GFRA1: variants seen among roughly 807,000 people sequenced by gnomAD.
The protein encoded by GFRA1 is GDNF family receptor alpha 1.
GFRA1 carries 16 observed loss-of-function variants against 51.6 expected under a neutral mutation model. That is an observed-to-expected ratio of 0.31 (90% CI 0.21 to 0.47). The LOEUF is 0.47. Among genes scored for constraint, GFRA1 ranks in the 20% least tolerant of loss-of-function variants. The pLI is 1.00. For missense variants in GFRA1, 530 were observed against 594.3 expected, an observed-to-expected ratio of 0.89 and a Z score of 1.13; for synonymous variants, 270 against 241.3, an observed-to-expected ratio of 1.12 and a Z score of -1.10.
chr10:116,089,702 GAAGGGAGCCCCAGC>G, intron 9 of GFRA1, 25 bp downstream of exon 9: 1 of 1,570,896 alleles, frequency 6.4e-7, no homozygotes. Context: ...CCCCCACCAG[GAAGGGAGCCCCAGC>G]AAGGAATCTG....
At chr10:116,110,141 AGACTT>A in intron 6 of GFRA1, among the ~76,000 whole-genome samples, 1 of 152,346 alleles carries the variant, frequency 6.6e-6, no homozygotes, top group East Asian at 1.9e-4. Context: ...GGAATCAGGC[AGACTT>A]TGGAATCCTC....
intron 4 of GFRA1, among the ~76,000 whole-genome samples, chr10:116,242,751 G>A (rs1967508700): frequency 6.6e-6 from 1 of 152,120 alleles, no homozygotes; most frequent in African/African-American, 2.4e-5. Context: ...CAAAGTGCCA[G>A]GATTACAGGC....
chr10:116,196,647 AATAT>A (rs1186936900), intron 5 of GFRA1, among the ~76,000 whole-genome samples: 64 of 6,132 alleles, frequency 0.01, 6 homozygotes, highest in Admixed American at 0.038. Flanking sequence ...TACTATATAT[AATAT>A]ATATATAGTA....
intron 5 of GFRA1, among the ~76,000 whole-genome samples, chr10:116,205,970 A>AC (rs1555167784): frequency 2.7e-5 from 4 of 149,444 alleles, no homozygotes; most frequent in Admixed American, 1.3e-4. Context: ...ACACACACAC[A>AC]AAGTGAATCT....
chr10:116,147,726 A>G (rs1958868993), intron 5 of GFRA1, among the ~76,000 whole-genome samples: 1 of 152,128 alleles, frequency 6.6e-6, no homozygotes, highest in Non-Finnish European at 1.5e-5. Context: ...CTGAATGAGA[A>G]CGGAGGTGAA....
intron 6 of GFRA1, among the ~76,000 whole-genome samples, chr10:116,106,613 A>C (rs1477114926): frequency 6.6e-6 from 1 of 151,884 alleles, no homozygotes; most frequent in Non-Finnish European, 1.5e-5. Flanking sequence ...GATCTTTTAC[A>C]AGTGTGTGGC....
In GFRA1 at chr10:116,257,546, G is replaced by C. The variant is rs182308425; in HGVS notation, c.418+11957C>G. On this transcript the variant is annotated intron_variant, in intron 4 of 10. Transcript: ENST00000355422. Reference sequence around the variant, plus strand: ...TGAGGCTAATAGCACAGTGCTCCTGGGCTCATTTTTTGTTTTCCCAGAAGG... The same window carrying C: ...TGAGGCTAATAGCACAGTGCTCCTGCGCTCATTTTTTGTTTTCCCAGAAGG... Among the ~76,000 whole-genome samples the C allele has an allele frequency of 2.0e-3, 305 of 152,182 alleles. 1 individual carries two copies. The highest frequency in any genetic ancestry group is 3.6e-3 in the Non-Finnish European group (247 of 68,010).
chr10:116,190,181 C>CCA (rs1383107681), intron 5 of GFRA1, among the ~76,000 whole-genome samples: 1 of 152,186 alleles, frequency 6.6e-6, no homozygotes, highest in African/African-American at 2.4e-5. Flanking sequence ...CTTCAATAAG[C>CCA]CCTGTGCCAA....
At chr10:116,195,400 G>A (rs916502673) in intron 5 of GFRA1, among the ~76,000 whole-genome samples, 2 of 152,148 alleles carry the variant, frequency 1.3e-5, no homozygotes, top group East Asian at 1.9e-4. Context: ...GATAGGTTTC[G>A]TGGAAGACAA....
intron 5 of GFRA1, among the ~76,000 whole-genome samples, chr10:116,198,248 G>T (rs916146443): frequency 7.9e-5 from 12 of 152,074 alleles, no homozygotes; most frequent in Admixed American, 7.2e-4. Context: ...ACTGCTGGAG[G>T]TCCCAAACCT....
chr10:116,158,568 G>A (rs1209475195), intron 5 of GFRA1, among the ~76,000 whole-genome samples: 3 of 152,298 alleles, frequency 2.0e-5, no homozygotes, highest in Admixed American at 6.5e-5. Context: ...GGAATGTGGA[G>A]TAAGGCCAGA....
chr10:116,163,621 T>TC (rs1451126416), intron 5 of GFRA1, among the ~76,000 whole-genome samples: 1 of 152,124 alleles, frequency 6.6e-6, no homozygotes, highest in African/African-American at 2.4e-5. Context: ...CTGTGGTCAC[T>TC]CCCCCAGCAT....
At chr10:116,211,681 G>A in intron 4 of GFRA1, 36 bp from the exon 5 acceptor site, 2 of 1,523,454 alleles carry the variant, frequency 1.3e-6, no homozygotes, top group Non-Finnish European at 1.8e-6. Context: ...GAGGGGAGAG[G>A]GGAGAAAGAG....
At position 116,125,433 on chromosome 10, in the gene GFRA1, G is replaced by A; in HGVS notation, c.558C>T (p.Val186=). 6.2e-7 allele frequency: 1 copy of A among 1,614,152 alleles called. No individual in the cohort carries two copies. The highest frequency in any genetic ancestry group is 8.5e-7 in the Non-Finnish European group (1 of 1,179,974). The part of the protein sequence containing the change: ...TPCTTSVSND[V]CNRRKCHKAL... ...CCTTGTGGCACTTGCGGCGGTTGCA[G>A]ACATCGTTGGACACGCTGGTGGTGC... Residue 186 remains valine (V), a synonymous_variant, in exon 6 of 11, where the codon GTC becomes GTT. Transcript: ENST00000355422.
At chr10:116,197,239 A>G (rs1963956280) in intron 5 of GFRA1, among the ~76,000 whole-genome samples, 1 of 152,064 alleles carries the variant, frequency 6.6e-6, no homozygotes, top group South Asian at 2.1e-4. Context: ...GAATGAGATT[A>G]GGGCCCTTAG....
At chr10:116,129,309 A>G (rs1402129799) in intron 5 of GFRA1, among the ~76,000 whole-genome samples, 1 of 152,234 alleles carries the variant, frequency 6.6e-6, no homozygotes, top group Non-Finnish European at 1.5e-5. Context: ...ATTTAGCAAT[A>G]TCTTAAAAGG....
chr10:116,088,974 T>C (rs1956219037), intron 9 of GFRA1, among the ~76,000 whole-genome samples: 1 of 103,614 alleles, frequency 9.7e-6, no homozygotes, highest in African/African-American at 3.7e-5. Flanking sequence ...CCTGTGAACA[T>C]ACAAATAGGA....
chr10:116,159,337 G>T (rs964889410), intron 5 of GFRA1, among the ~76,000 whole-genome samples: 2 of 152,148 alleles, frequency 1.3e-5, no homozygotes, highest in Admixed American at 6.5e-5. Flanking sequence ...TGAATAAAGA[G>T]GTCACTGGGT....
At chr10:116,171,026 T>C (rs913787736) in intron 5 of GFRA1, among the ~76,000 whole-genome samples, 2 of 152,200 alleles carry the variant, frequency 1.3e-5, no homozygotes, top group African/African-American at 4.8e-5. Context: ...TTATAAAAGC[T>C]GTCAATTAGG....
Sources: allele counts gnomAD v4.1 joint callset (sites outside exome capture counted in the v4.1 genomes callset), GRCh38; gene constraint gnomAD v4.1.1; transcripts MANE v1.5; gene names NCBI Gene and HGNC (gene_info 2026-07-23, HGNC 2026-07-21).